BEND7: variants seen among roughly 807,000 people sequenced by gnomAD.
BEND7 encodes the protein BEN domain-containing protein 7.
In BEND7, 28 loss-of-function variants were observed where a neutral mutation model predicts 50.9. The ratio of observed to expected loss-of-function variants is 0.55; its 90% CI spans 0.41 to 0.75. The LOEUF (loss-of-function observed/expected upper bound fraction) is 0.75, where lower values mean the gene tolerates loss of function less well. BEND7 is among the 30% of genes least tolerant of loss of function. The probability of loss-of-function intolerance (pLI) is 0.00; values close to 1 mark genes in which losing one functional copy is unlikely to be tolerated. For synonymous variants in BEND7, 170 were observed against 183.9 expected (o/e 0.92, Z 0.61); for missense variants, 477 against 491.3 (o/e 0.97, Z 0.28).
intron 4 of BEND7, among the ~76,000 whole-genome samples, chr10:13,496,417 T>C (rs1178801966): frequency 1.3e-5 from 2 of 152,352 alleles, no homozygotes; most frequent in South Asian, 2.1e-4. Context: ...TCTTATCTGC[T>C]TAGTGCTTGA....
At chr10:13,501,307 G>C (rs1297947811) in intron 2 of BEND7, among the ~76,000 whole-genome samples, 1 of 134,500 alleles carries the variant, frequency 7.4e-6, no homozygotes, top group South Asian at 2.4e-4. Context: ...CCAGGAGGTA[G>C]AAGTTGTGGT....
chr10:13,500,107 A>C, intron 2 of BEND7, 27 bp from the exon 3 acceptor site: 1 of 1,505,676 alleles, frequency 6.6e-7, no homozygotes, highest in Non-Finnish European at 9.0e-7. Flanking sequence ...CAAAGTTAGC[A>C]CTCTAAATTA....
chr10:13,501,145 C>T (rs1159552218), intron 2 of BEND7, among the ~76,000 whole-genome samples: 1 of 151,888 alleles, frequency 6.6e-6, no homozygotes, highest in African/African-American at 2.4e-5. Flanking sequence ...GAGGCCGAGG[C>T]GGGTAGATCA....
At chr10:13,440,599 G>T (rs1236227455), downstream of BEND7, among the ~76,000 whole-genome samples, 5 of 152,364 alleles carry the variant, frequency 3.3e-5, no homozygotes, top group African/African-American at 4.8e-5. Context: ...CAGAGCAGGG[G>T]ACAGAGCACG....
At chr10:13,456,936 C>G (rs912049725) in intron 6 of BEND7, among the ~76,000 whole-genome samples, 2 of 152,170 alleles carry the variant, frequency 1.3e-5, no homozygotes, top group Non-Finnish European at 2.9e-5. Flanking sequence ...CCCACAAGAA[C>G]ATTTACTGAT....
At chr10:13,519,040 G>A (rs530926276) in intron 2 of BEND7, among the ~76,000 whole-genome samples, 24 of 152,202 alleles carry the variant, frequency 1.6e-4, no homozygotes, top group Non-Finnish European at 3.4e-4. Flanking sequence ...TGTGGCAGCT[G>A]TTAAGTTTCG....
chr10:13,441,061 G>A (rs188060863), downstream of BEND7: 258 of 978,410 alleles, frequency 2.6e-4, 4 homozygotes, highest in South Asian at 2.7e-3. Context: ...CAGGAAGACC[G>A]GCACACAGGC....
At chr10:13,494,174 T>G (rs1308227130) in intron 4 of BEND7, among the ~76,000 whole-genome samples, 1 of 152,108 alleles carries the variant, frequency 6.6e-6, no homozygotes, top group African/African-American at 2.4e-5. Context: ...ATCCCAGCAC[T>G]TTGGGAGGCC....
At chr10:13,459,936 G>C (rs1839874228) in intron 6 of BEND7, 1 of 152,282 alleles carries the variant, frequency 6.6e-6, no homozygotes, top group African/African-American at 2.4e-5. Flanking sequence ...CAAATGGGCA[G>C]GACTGCTTTG....
intron 2 of BEND7, among the ~76,000 whole-genome samples, chr10:13,522,019 G>A (rs2079110541): frequency 6.6e-6 from 1 of 152,306 alleles, no homozygotes; most frequent in Non-Finnish European, 1.5e-5. Context: ...TGCTCAGCTG[G>A]CATGGCTGCC....
intron 7 of BEND7, among the ~76,000 whole-genome samples, chr10:13,451,190 CT>C (rs34416134): frequency 4.7e-3 from 674 of 141,956 alleles, no homozygotes; most frequent in Admixed American, 4.6e-3. Context: ...ATTTCTCCAC[CT>C]TTTTTTTTTT....
intron 6 of BEND7, among the ~76,000 whole-genome samples, chr10:13,458,376 C>T (rs1292834487): frequency 1.3e-5 from 2 of 152,202 alleles, no homozygotes; most frequent in Non-Finnish European, 2.9e-5. Context: ...GCCACACTGT[C>T]GTTCTCCTGA....
At chr10:13,509,022 C>T (rs1479679534) in intron 2 of BEND7, among the ~76,000 whole-genome samples, 3 of 152,114 alleles carry the variant, frequency 2.0e-5, no homozygotes, top group Non-Finnish European at 2.9e-5. Flanking sequence ...GCCAAAAAGG[C>T]ACAAAGGGCT....
chr10:13,502,859 A>C, intron 2 of BEND7: 1 of 979,706 alleles, frequency 1.0e-6, no homozygotes, highest in Middle Eastern at 5.2e-4. Flanking sequence ...GCAGATACCC[A>C]CCCCGGCTCT....
At chr10:13,478,905 A>C (rs936022785) in intron 6 of BEND7, among the ~76,000 whole-genome samples, 6 of 152,176 alleles carry the variant, frequency 3.9e-5, no homozygotes, top group Non-Finnish European at 5.9e-5. Context: ...TTCAATTGGA[A>C]TAATCTACTT....
At chr10:13,479,007 T>A (rs2075663536) in intron 6 of BEND7, among the ~76,000 whole-genome samples, 1 of 27,950 alleles carries the variant, frequency 3.6e-5, no homozygotes, top group East Asian at 3.2e-3. Context: ...TGTAATATAC[T>A]TTTTTTTTTT....
intron 6 of BEND7, among the ~76,000 whole-genome samples, chr10:13,478,838 T>C (rs932825004): frequency 1.3e-5 from 2 of 152,170 alleles, no homozygotes; most frequent in African/African-American, 4.8e-5. Flanking sequence ...TGGGTCGTTA[T>C]TACAGAATTT....
chr10:13,474,748 C>CAA (rs2075301934), intron 6 of BEND7, among the ~76,000 whole-genome samples: 1 of 152,172 alleles, frequency 6.6e-6, no homozygotes, highest in African/African-American at 2.4e-5. Flanking sequence ...CCCATCATCG[C>CAA]TGTTAGACTT....
At chr10:13,502,273 G>T (rs1219574159) in intron 2 of BEND7, among the ~76,000 whole-genome samples, 1 of 152,144 alleles carries the variant, frequency 6.6e-6, no homozygotes, top group Non-Finnish European at 1.5e-5. Flanking sequence ...TTTTAAAAAT[G>T]ATACTAAAAA....
Sources: gnomAD v4.1 joint callset for allele counts (sites outside exome capture counted in the v4.1 genomes callset) on GRCh38, gnomAD v4.1.1 for gene constraint, MANE v1.5 for transcripts, NCBI Gene and HGNC (gene_info 2026-07-23, HGNC 2026-07-21) for gene names.